GRIK2: variants seen among roughly 807,000 people sequenced by gnomAD.
The protein encoded by GRIK2 is glutamate ionotropic receptor kainate type subunit 2.
A neutral mutation model predicts 100.3 loss-of-function variants in GRIK2; 32 were observed. That is an observed-to-expected ratio of 0.32 (90% CI 0.24 to 0.43). The LOEUF (loss-of-function observed/expected upper bound fraction) is 0.43, where lower values mean the gene tolerates loss of function less well. GRIK2 is among the 20% of genes least tolerant of loss of function. GRIK2 has a pLI of 1.00. For missense variants in GRIK2, 843 were observed against 1,114.9 expected, an observed-to-expected ratio of 0.76 and a Z score of 3.47; for synonymous variants, 417 against 389.4, an observed-to-expected ratio of 1.07 and a Z score of -0.83.
intron 9 of GRIK2, among the ~76,000 whole-genome samples, chr6:101,812,629 T>A (rs1307765628): frequency 6.6e-6 from 1 of 151,894 alleles, no homozygotes; most frequent in Non-Finnish European, 1.5e-5. Context: ...TATGCCAAAG[T>A]CTCCATCCGT....
intron 11 of GRIK2, among the ~76,000 whole-genome samples, chr6:101,874,723 C>T (rs1441448656): frequency 8.3e-6 from 1 of 120,826 alleles, no homozygotes; most frequent in Non-Finnish European, 2.1e-5. Context: ...TTCTTCCTAT[C>T]CATGAGCATG....
chr6:101,751,842 T>C (rs1776808476), intron 7 of GRIK2, among the ~76,000 whole-genome samples: 2 of 152,220 alleles, frequency 1.3e-5, no homozygotes, highest in South Asian at 4.1e-4. Context: ...GATGATACTG[T>C]CTTCTTCCCT....
chr6:101,607,701 G>A (rs11970399), intron 2 of GRIK2, among the ~76,000 whole-genome samples: 52,311 of 151,668 alleles, frequency 0.34, 9,345 homozygotes, highest in African/African-American at 0.43. Context: ...TGCTAGCAAG[G>A]CATATTTCAC....
chr6:101,926,053 A>G (rs1789867962), intron 13 of GRIK2, among the ~76,000 whole-genome samples: 1 of 151,338 alleles, frequency 6.6e-6, no homozygotes, highest in Non-Finnish European at 1.5e-5. Context: ...GTTTATGAAT[A>G]TTTAAACCTA....
At chr6:101,975,039 A>G (rs1249315590) in intron 14 of GRIK2, among the ~76,000 whole-genome samples, 1 of 151,976 alleles carries the variant, frequency 6.6e-6, no homozygotes, top group African/African-American at 2.4e-5. Context: ...AGTGCTGATT[A>G]TTTTGTTTCT....
At chr6:101,681,247 T>A (rs1208406731) in intron 5 of GRIK2, among the ~76,000 whole-genome samples, 1 of 152,070 alleles carries the variant, frequency 6.6e-6, no homozygotes, top group Non-Finnish European at 1.5e-5. Flanking sequence ...TCACCTCAAG[T>A]ATTTATCCCT....
At position 101,799,793 on chromosome 6, in the gene GRIK2, T is replaced by C; in HGVS notation, c.1095+2T>C. 1 of 1,610,804 alleles carries C rather than the reference T, an allele frequency of 6.2e-7. No homozygotes were observed. The highest frequency in any genetic ancestry group is 8.5e-7 in the Non-Finnish European group (1 of 1,177,318). On this transcript the variant is annotated splice_donor_variant, in intron 8 of 16. Coordinates refer to ENST00000369134, the MANE Select transcript of GRIK2 (RefSeq NM_021956.5). LOFTEE classifies it high-confidence loss of function. The stretch of plus-strand genomic sequence containing the variant: ...CGCTTTATGAGTCTAATTAAAGAGG[T>C]AAGTTAGGAGAAGAACATCTGCCTT...
chr6:101,983,186 A>T (rs757062042), intron 14 of GRIK2, among the ~76,000 whole-genome samples: 1 of 151,660 alleles, frequency 6.6e-6, no homozygotes, highest in African/African-American at 2.4e-5. Context: ...TGGCAAGTCT[A>T]CTCAGCAATT....
intron 14 of GRIK2, among the ~76,000 whole-genome samples, chr6:102,030,226 C>T (rs148866976): frequency 1.3e-5 from 2 of 151,192 alleles, no homozygotes; most frequent in Non-Finnish European, 3.0e-5. Flanking sequence ...GCCAAAGGAA[C>T]TTTGCATTAT....
At chr6:101,651,789 T>G (rs1781807014) in intron 4 of GRIK2, among the ~76,000 whole-genome samples, 1 of 152,150 alleles carries the variant, frequency 6.6e-6, no homozygotes, top group Admixed American at 6.6e-5. Context: ...AGTAGGCAGT[T>G]GGATATAGGT....
chr6:101,480,867 C>T (rs190183194), intron 2 of GRIK2, among the ~76,000 whole-genome samples: 7 of 151,998 alleles, frequency 4.6e-5, no homozygotes, highest in Non-Finnish European at 1.0e-4. Context: ...GGTAAAGAAA[C>T]ATGGGATCAA....
intron 2 of GRIK2, among the ~76,000 whole-genome samples, chr6:101,563,330 A>AT (rs973738500): frequency 1.3e-5 from 2 of 152,144 alleles, no homozygotes; most frequent in Admixed American, 6.6e-5. Context: ...GAAAATATAT[A>AT]TTTTTTCACT....
chr6:101,848,209 T>A (rs909987323), intron 10 of GRIK2, among the ~76,000 whole-genome samples: 7 of 152,102 alleles, frequency 4.6e-5, no homozygotes, highest in Non-Finnish European at 1.5e-5. Context: ...GCCACAGAGC[T>A]CTCCAACCAA....
At chr6:101,857,747 C>T (rs965376219) in intron 10 of GRIK2, among the ~76,000 whole-genome samples, 1 of 152,184 alleles carries the variant, frequency 6.6e-6, no homozygotes, top group East Asian at 1.9e-4. Context: ...TGTGCAAGTG[C>T]CTTCGATAAA....
intron 7 of GRIK2, among the ~76,000 whole-genome samples, chr6:101,723,368 T>C (rs72956325): frequency 6.6e-6 from 1 of 151,890 alleles, no homozygotes; most frequent in Non-Finnish European, 1.5e-5. Context: ...AGTGGCAAAA[T>C]GACAAGTTTT....
At chr6:101,620,167 GT>G (rs367805715) in intron 2 of GRIK2, 7 of 672,054 alleles carry the variant, frequency 1.0e-5, no homozygotes, top group Middle Eastern at 7.7e-4. Context: ...AATCCAGAAT[GT>G]TAAACCCGGT....
At chr6:101,442,695 T>G (rs1770144450) in intron 2 of GRIK2, among the ~76,000 whole-genome samples, 1 of 152,098 alleles carries the variant, frequency 6.6e-6, no homozygotes, top group Non-Finnish European at 1.5e-5. Context: ...AATATTTACA[T>G]GATTTCTGTA....
intron 14 of GRIK2, among the ~76,000 whole-genome samples, chr6:101,950,352 T>C (rs902305467): frequency 6.6e-6 from 1 of 152,194 alleles, no homozygotes; most frequent in African/African-American, 2.4e-5. Flanking sequence ...GATTTGTGGT[T>C]GACCAGAGGT....
intron 2 of GRIK2, among the ~76,000 whole-genome samples, chr6:101,497,596 A>G (rs972729128): frequency 6.6e-6 from 1 of 152,132 alleles, no homozygotes. Flanking sequence ...TGAACCTACT[A>G]TACATCTTGT....
Sources: allele counts gnomAD v4.1 joint callset (sites outside exome capture counted in the v4.1 genomes callset), GRCh38; gene constraint gnomAD v4.1.1; transcripts MANE v1.5; gene names NCBI Gene and HGNC (gene_info 2026-07-23, HGNC 2026-07-21).